SKA3: variants seen among roughly 807,000 people sequenced by gnomAD.
SKA3 encodes the protein spindle and kinetochore associated complex subunit 3, also known as spindle and kinetochore-associated protein 3.
Under a neutral mutation model 44.2 loss-of-function variants are expected in SKA3, and 39 were observed. The ratio of observed to expected loss-of-function variants is 0.88; its 90% confidence interval spans 0.68 to 1.15. SKA3 has a LOEUF of 1.15. Among genes scored for constraint, SKA3 ranks in the 50% most tolerant of loss-of-function variants. The pLI, the probability that SKA3 is intolerant of heterozygous loss-of-function variation, is 0.00. For synonymous variants in SKA3, 192 were observed against 172.0 expected (o/e 1.12, Z -0.91); for missense variants, 511 against 485.8 (o/e 1.05, Z -0.49).
chr13:21,164,962 C>A (rs1870627053), intron 4 of SKA3, among the ~76,000 whole-genome samples: 1 of 152,122 alleles, frequency 6.6e-6, no homozygotes, highest in African/African-American at 2.4e-5. Flanking sequence ...AAGTTTCTTG[C>A]AATTACAAAC....
intron 5 of SKA3, 50 bp from the exon 6 acceptor site, chr13:21,160,037 T>C: frequency 5.2e-6 from 6 of 1,164,444 alleles, no homozygotes; most frequent in Non-Finnish European, 5.7e-6. Flanking sequence ...ATAGTATGCT[T>C]AACTGGACAG....
At chr13:21,162,693 A>T (rs1434305128) in intron 4 of SKA3, among the ~76,000 whole-genome samples, 1 of 152,086 alleles carries the variant, frequency 6.6e-6, no homozygotes, top group African/African-American at 2.4e-5. Flanking sequence ...TGTGTAAAAC[A>T]TTTTTTTAAA....
intron 1 of SKA3, 124 bp downstream of exon 1, chr13:21,176,235 AGCACCCGCCCTGCGCC>A (rs1871510890): frequency 4.6e-6 from 3 of 654,358 alleles, no homozygotes; most frequent in Non-Finnish European, 7.4e-6. Context: ...TGAGACGCGC[AGCACCCGCCCTGCGCC>A]TCGGTGGCAG....
intron 1 of SKA3, among the ~76,000 whole-genome samples, chr13:21,175,129 C>G (rs1871386996): frequency 6.6e-6 from 1 of 151,484 alleles, no homozygotes; most frequent in East Asian, 1.9e-4. Context: ...GCGCCCACTA[C>G]TATGCCCAGC....
chr13:21,165,454 A>C (rs1013219790), intron 4 of SKA3, among the ~76,000 whole-genome samples: 18 of 143,954 alleles, frequency 1.3e-4, no homozygotes, highest in African/African-American at 4.7e-4. Context: ...TAAATACATA[A>C]AGAAAGAAAT....
chr13:21,176,216 G>T (rs1409046463), intron 1 of SKA3, 159 bp downstream of exon 1: 35 of 586,562 alleles, frequency 6.0e-5, no homozygotes, highest in Non-Finnish European at 9.5e-5. Flanking sequence ...AACGCCAAAC[G>T]CCGAGCAGTG....
rs990703067 is a variant in SKA3 at position 21,155,575 on chromosome 13, T to C, written c.1238+118A>G. 2.9e-5 allele frequency: 19 copies of C among 653,754 alleles called. No individual in the cohort carries two copies. In the Middle Eastern group the frequency reaches 9.1e-4, roughly 31 times the overall value. The allele number at this position is 653,754 out of a possible 1,614,324, so 40.5% of individuals were successfully genotyped here. A position where few individuals can be genotyped will look rare whatever the true frequency, so the allele number is the denominator to read the frequency against. ...GTGTGCACCACCACACCTGGCTAATTTTTGTATTTTTAGTAGAGACGAGGT... is the reference window on the plus strand; with the variant it reads ...GTGTGCACCACCACACCTGGCTAATCTTTGTATTTTTAGTAGAGACGAGGT... On this transcript the variant is annotated intron_variant, in intron 8 of 8. Coordinates refer to ENST00000314759, the MANE Select transcript of SKA3 (RefSeq NM_145061.6).
intron 4 of SKA3, among the ~76,000 whole-genome samples, chr13:21,166,255 G>A (rs1595301859): frequency 1.3e-5 from 2 of 151,858 alleles, no homozygotes; most frequent in Admixed American, 6.6e-5. Flanking sequence ...AATGTCAAGC[G>A]ATCCACTGTG....
At chr13:21,168,883 C>T (rs1353837106) in intron 3 of SKA3, among the ~76,000 whole-genome samples, 4 of 152,076 alleles carry the variant, frequency 2.6e-5, no homozygotes, top group African/African-American at 9.7e-5. Context: ...CTCTTGTGCA[C>T]CCATATCTCA....
In SKA3 at chr13:21,158,095, T is replaced by A. The variant is rs776150162; in HGVS notation, c.946A>T (p.Asn316Tyr). The A allele has an allele frequency of 9.9e-6, 16 of 1,611,024 alleles. No homozygotes were observed. Among genetic ancestry groups the A allele is most frequent in the African/African-American group, 2.7e-5 (2 of 74,856 alleles). ...VSTNYPLSKT[N>Y]SSSNDLEVED... ...ACTTCCAAATCATTTGATGAACTAT[T>A]TGTTTTTGATAATGGGTAATTTGTG... The change falls in exon 7 of 9, where the codon AAT becomes TAT. Residue 316 changes from asparagine (N) to tyrosine (Y), a missense_variant. Physicochemically the swap from Asn to Tyr is moderately radical, Grantham distance 143 (BLOSUM62 -2). Coordinates refer to ENST00000314759, the MANE Select transcript of SKA3 (RefSeq NM_145061.6).
chr13:21,162,700 T>A (rs1301979393), intron 4 of SKA3, among the ~76,000 whole-genome samples: 2 of 152,068 alleles, frequency 1.3e-5, no homozygotes, highest in Non-Finnish European at 2.9e-5. Flanking sequence ...AACATTTTTT[T>A]AAAAGTGTGT....
intron 1 of SKA3, 178 bp from the exon 2 acceptor site, chr13:21,172,859 C>G: frequency 1.9e-6 from 1 of 513,584 alleles, no homozygotes; most frequent in Non-Finnish European, 3.4e-6. Flanking sequence ...TGTTTAGATA[C>G]ACAAATACTT....
In SKA3 at chr13:21,160,779, TATA is replaced by T. The variant is rs569570153; in HGVS notation, c.830-795_830-793del. On this transcript the variant is annotated intron_variant, in intron 5 of 8. Transcript: ENST00000314759. ...GGGAAAATTTCCTTAAGGCACTGCC[TATA>T]ATAATAAAAAATGAAAACACTACCT... Among the ~76,000 whole-genome samples the T allele has an allele frequency of 9.8e-4, 150 of 152,298 alleles. 2 individuals carry two copies. The highest frequency in any genetic ancestry group is 1.8e-3 in the Admixed American group (28 of 15,294).
At chr13:21,171,407 T>C (rs1871038676) in intron 3 of SKA3, among the ~76,000 whole-genome samples, 1 of 151,966 alleles carries the variant, frequency 6.6e-6, no homozygotes, top group Non-Finnish European at 1.5e-5. Context: ...AAACCCCGTC[T>C]CTAATAAAAA....
chr13:21,168,292 A>T lies in SKA3; in HGVS notation c.439T>A (p.Cys147Ser), dbSNP rs1870841784. 6.2e-7 allele frequency: 1 copy of T among 1,614,236 alleles called. No individual in the cohort carries two copies. The highest frequency in any genetic ancestry group is 2.2e-5 in the East Asian group (1 of 44,890). The change falls in exon 4 of 9, where the codon TGT (cysteine) becomes AGT (serine). Residue 147 changes from cysteine to serine, a missense_variant. By Grantham distance (112) the Cys-to-Ser change is moderately radical (BLOSUM62 -1). Coordinates refer to ENST00000314759, the MANE Select transcript of SKA3 (RefSeq NM_145061.6). ...CTACGTGGAGACTTCTCAGAAATAC[A>T]ACTGCTTGCAACAGGAGGATCAGAC... The part of the protein sequence containing the change: ...DLSDPPVASS[C>S]ISEKSPRSPQ...
chr13:21,166,207 G>C (rs937637736), intron 4 of SKA3, among the ~76,000 whole-genome samples: 1 of 151,722 alleles, frequency 6.6e-6, no homozygotes. Flanking sequence ...TTAGTAGAGA[G>C]GGTTTCATCC....
At chr13:21,168,743 G>A (rs991283166) in intron 3 of SKA3, among the ~76,000 whole-genome samples, 1 of 152,094 alleles carries the variant, frequency 6.6e-6, no homozygotes, top group Non-Finnish European at 1.5e-5. Context: ...GCCCAGGCTG[G>A]TGTCAAACTC....
Position 21,155,161 on chromosome 13 carries a change from T to C in SKA3, c.*-11A>G, listed in dbSNP as rs1565990317. On this transcript the variant is annotated splice_polypyrimidine_tract_variant and intron_variant, in intron 8 of 8. Coordinates refer to ENST00000314759, the MANE Select transcript of SKA3 (RefSeq NM_145061.6). ...GATCCACTGGAATTTCTGCAACAGA[T>C]ACAAATAACAAATATCAATTTAATA... 8 of 1,608,766 alleles carry C rather than the reference T, an allele frequency of 5.0e-6. No individual in the cohort carries two copies. Among genetic ancestry groups the C allele is most frequent in the African/African-American group, 4.0e-5 (3 of 74,792 alleles).
At chr13:21,162,522 C>T (rs866848015) in intron 4 of SKA3, among the ~76,000 whole-genome samples, 1 of 151,946 alleles carries the variant, frequency 6.6e-6, no homozygotes, top group Non-Finnish European at 1.5e-5. Flanking sequence ...TACACCACTG[C>T]GCCTGGCTAA....
Sources: gnomAD v4.1 joint callset for allele counts (sites outside exome capture counted in the v4.1 genomes callset) on GRCh38, gnomAD v4.1.1 for gene constraint, MANE v1.5 for transcripts, NCBI Gene and HGNC (gene_info 2026-07-23, HGNC 2026-07-21) for gene names.